Variants in KAZN observed in about 807,000 individuals in gnomAD.
KAZN encodes the protein kazrin, periplakin interacting protein, also known as kazrin.
A neutral mutation model predicts 87.4 loss-of-function variants in KAZN; 40 were observed. The ratio of observed to expected loss-of-function variants is 0.46; its 90% CI spans 0.36 to 0.60. The LOEUF (loss-of-function observed/expected upper bound fraction) is 0.60, where lower values mean the gene tolerates loss of function less well. Ranked by LOEUF, KAZN falls within the 20% of genes least tolerant of loss-of-function variation. The probability of loss-of-function intolerance (pLI) is 0.00; values close to 1 mark genes in which losing one functional copy is unlikely to be tolerated. For synonymous variants in KAZN, 466 were observed against 458.3 expected (o/e 1.02, Z -0.22); for missense variants, 898 against 1,073.9 (o/e 0.84, Z 2.29).
chr1:14,503,420 C>T (rs950542522), intron 2 of KAZN, among the ~76,000 whole-genome samples: 1 of 150,880 alleles, frequency 6.6e-6, no homozygotes, highest in African/African-American at 2.4e-5. Flanking sequence ...GGAGGCAGAG[C>T]TTGCAGTGAG....
At chr1:14,326,606 G>T (rs141542854) in intron 2 of KAZN, among the ~76,000 whole-genome samples, 1 of 151,980 alleles carries the variant, frequency 6.6e-6, no homozygotes, top group Non-Finnish European at 1.5e-5. Context: ...AATCCCTCCC[G>T]TCTCACACAA....
intron 1 of KAZN, among the ~76,000 whole-genome samples, chr1:14,744,143 G>T (rs1237254944): frequency 6.6e-6 from 1 of 152,172 alleles, no homozygotes; most frequent in Admixed American, 6.5e-5. Context: ...GGTTCCTTAT[G>T]TGTGGGCATC....
At chr1:13,926,769 A>G (rs760813098) in intron 1 of KAZN, among the ~76,000 whole-genome samples, 3 of 152,238 alleles carry the variant, frequency 2.0e-5, no homozygotes, top group Non-Finnish European at 4.4e-5. Flanking sequence ...GGAGTGACAT[A>G]TCATATTTGA....
In KAZN at chr1:14,740,490, T is replaced by G. The variant is rs540458901; in HGVS notation, c.226+141267T>G. ...TCTCTGGATTATGACAGCTGCCAACTGCTGCCTTGCTAAAAGTCTCGCCCA... is the reference window on the plus strand; with the variant it reads ...TCTCTGGATTATGACAGCTGCCAACGGCTGCCTTGCTAAAAGTCTCGCCCA... On this transcript the variant is annotated intron_variant, in intron 1 of 14. Coordinates refer to ENST00000376030, the MANE Select transcript of KAZN (RefSeq NM_201628.3). Among the ~76,000 whole-genome samples, 146 of 152,280 alleles carry G rather than the reference T, an allele frequency of 9.6e-4. 1 individual carries two copies. In the Middle Eastern group the frequency reaches 0.02, roughly 21 times the overall value.
intron 1 of KAZN, among the ~76,000 whole-genome samples, chr1:14,613,794 C>G (rs1021777382): frequency 6.6e-6 from 1 of 152,196 alleles, no homozygotes; most frequent in African/African-American, 2.4e-5. Flanking sequence ...CAGTGCAGTG[C>G]TGAACAATGT....
chr1:14,445,087 G>A (rs550618396), intron 2 of KAZN, among the ~76,000 whole-genome samples: 9 of 151,726 alleles, frequency 5.9e-5, no homozygotes, highest in South Asian at 2.1e-4. Context: ...GTGCAGTGGC[G>A]TGATTTTGGT....
chr1:14,667,093 G>A (rs990139951), intron 1 of KAZN, among the ~76,000 whole-genome samples: 6 of 152,158 alleles, frequency 3.9e-5, no homozygotes, highest in Admixed American at 6.5e-5. Flanking sequence ...TCCCATCTGC[G>A]AAGATGCTTT....
chr1:14,027,588 T>G (rs1570562213), intron 1 of KAZN, among the ~76,000 whole-genome samples: 1 of 152,164 alleles, frequency 6.6e-6, no homozygotes, highest in Non-Finnish European at 1.5e-5. Context: ...TACAATACTG[T>G]GTTCCTACAT....
chr1:14,534,310 A>C lies in KAZN; in HGVS notation c.250-64673A>C, dbSNP rs149517262. Among the ~76,000 whole-genome samples, 4 of 152,324 alleles carry C rather than the reference A, an allele frequency of 2.6e-5. No individual in the cohort carries two copies. The East Asian group carries it at 7.7e-4, about 29-fold the overall frequency. Reference sequence around the variant, plus strand: ...TGTCCAGGGCAGTCTGTGGGAAGCAATTCAACTCCAAATGCATGTGATTCT... The same window carrying C: ...TGTCCAGGGCAGTCTGTGGGAAGCACTTCAACTCCAAATGCATGTGATTCT... On this transcript the variant is annotated intron_variant, in intron 2 of 16. Coordinates refer to the KAZN transcript ENST00000636203.
chr1:14,133,143 C>T (rs577839861), intron 1 of KAZN, among the ~76,000 whole-genome samples: 14 of 151,908 alleles, frequency 9.2e-5, no homozygotes, highest in East Asian at 7.7e-4. Context: ...CCAAGGTGGG[C>T]GGATCATGAG....
chr1:14,132,619 T>C (rs1645014551), intron 1 of KAZN, among the ~76,000 whole-genome samples: 1 of 152,198 alleles, frequency 6.6e-6, no homozygotes, highest in African/African-American at 2.4e-5. Context: ...GAATGCATGC[T>C]GGAGAGCAAA....
chr1:15,060,491 G>T, intron 6 of KAZN, 189 bp downstream of exon 6: 5 of 773,588 alleles, frequency 6.5e-6, no homozygotes, highest in Non-Finnish European at 1.0e-5. Flanking sequence ...AAGGAATGAG[G>T]CCCGTTTGCT....
At chr1:15,093,673 G>A (rs1389491749) in intron 8 of KAZN, among the ~76,000 whole-genome samples, 3 of 152,236 alleles carry the variant, frequency 2.0e-5, no homozygotes, top group African/African-American at 7.2e-5. Context: ...CAGGTGAGCA[G>A]AGGGGTGAAT....
intron 1 of KAZN, among the ~76,000 whole-genome samples, chr1:14,918,048 T>C (rs1264420343): frequency 6.6e-6 from 1 of 151,956 alleles, no homozygotes; most frequent in Non-Finnish European, 1.5e-5. Flanking sequence ...CCGGCTAATT[T>C]TTGTATTTTT....
At chr1:14,879,118 G>C (rs1653061303) in intron 1 of KAZN, among the ~76,000 whole-genome samples, 1 of 152,182 alleles carries the variant, frequency 6.6e-6, no homozygotes, top group Non-Finnish European at 1.5e-5. Flanking sequence ...TTGGGCATTT[G>C]AGCTCTGGAG....
intron 1 of KAZN, among the ~76,000 whole-genome samples, chr1:14,122,019 A>G (rs1004591304): frequency 2.0e-5 from 3 of 152,162 alleles, no homozygotes; most frequent in Admixed American, 6.5e-5. Flanking sequence ...GTAATTCCTG[A>G]TCTCAGAAAA....
At chr1:15,038,261 GA>G in intron 3 of KAZN, among the ~76,000 whole-genome samples, 1 of 149,684 alleles carries the variant, frequency 6.7e-6, no homozygotes, top group African/African-American at 2.5e-5. Flanking sequence ...CTCAAAAAAA[GA>G]AAAGAAAGAA....
chr1:14,057,801 G>A (rs1642636362), intron 1 of KAZN, among the ~76,000 whole-genome samples: 2 of 152,268 alleles, frequency 1.3e-5, no homozygotes, highest in Non-Finnish European at 2.9e-5. Context: ...CTTCATGAGG[G>A]CAAGGATGTT....
In KAZN at chr1:14,904,309, G is replaced by GAAAA. The variant is rs34880967; in HGVS notation, c.227-56361_227-56358dup. On this transcript the variant is annotated intron_variant, in intron 1 of 14. Transcript: ENST00000376030. Reference sequence around the variant, plus strand: ...GAAAGAGCGAGACTCCGTCTCAAAAGAAAAAAAAAAAAAAAAAGAATTGCC... The same window carrying GAAAA: ...GAAAGAGCGAGACTCCGTCTCAAAAGAAAAAAAAAAAAAAAAAAAAAGAATTGCC... Among the ~76,000 whole-genome samples, 24 of 137,852 alleles carry GAAAA rather than the reference G, an allele frequency of 1.7e-4. 1 individual carries two copies. The highest frequency in any genetic ancestry group is 4.1e-4 in the African/African-American group (15 of 36,996). The allele number at this position is 137,852 out of a possible 152,430, so 90.4% of individuals were successfully genotyped here. A position where few individuals can be genotyped will look rare whatever the true frequency, so the allele number is the denominator to read the frequency against.
Sources: allele counts gnomAD v4.1 joint callset (sites outside exome capture counted in the v4.1 genomes callset), GRCh38; gene constraint gnomAD v4.1.1; transcripts MANE v1.5; gene names NCBI Gene and HGNC (gene_info 2026-07-23, HGNC 2026-07-21).